Variants in ATXN7L1 observed in about 807,000 individuals in gnomAD.
The protein encoded by ATXN7L1 is ataxin 7 like 1.
Under a neutral mutation model 70.8 loss-of-function variants are expected in ATXN7L1, and 15 were observed. The ratio of observed to expected loss-of-function variants is 0.21; its 90% CI spans 0.14 to 0.33. ATXN7L1 has a LOEUF of 0.33. Ranked by LOEUF, ATXN7L1 falls within the 10% of genes least tolerant of loss-of-function variation. The pLI, the probability that ATXN7L1 is intolerant of heterozygous loss-of-function variation, is 1.00. For missense variants in ATXN7L1, 975 were observed against 1,097.1 expected (o/e 0.89, Z 1.57); for synonymous variants, 440 against 445.1 (o/e 0.99, Z 0.14).
At chr7:105,664,575 G>GTA (rs1554416470) in intron 4 of ATXN7L1, among the ~76,000 whole-genome samples, 11 of 131,986 alleles carry the variant, frequency 8.3e-5, no homozygotes, top group South Asian at 4.9e-4. Context: ...GTATGTGTGT[G>GTA]TATATATATA....
chr7:105,627,058 ATCT>A (rs1384097283), intron 7 of ATXN7L1, among the ~76,000 whole-genome samples: 1 of 152,230 alleles, frequency 6.6e-6, no homozygotes, highest in East Asian at 1.9e-4. Flanking sequence ...TACTTAACAA[ATCT>A]TCTGTTGATG....
At chr7:105,825,214 C>T (rs566007044) in intron 2 of ATXN7L1, among the ~76,000 whole-genome samples, 3 of 152,218 alleles carry the variant, frequency 2.0e-5, no homozygotes, top group South Asian at 4.2e-4. Context: ...TTTGAAGACT[C>T]GAAAAATTTA....
rs548212647 is a variant in ATXN7L1 at position 105,819,042 on chromosome 7, C to A, written c.251-30334G>T. ...ATGCTATCCCTCCCCCAGCCCCCCA[C>A]CCCCGGAGAGACCCCGGTGTGTGAC... On this transcript the variant is annotated intron_variant, in intron 2 of 11. Transcript: ENST00000419735. Among the ~76,000 whole-genome samples the A allele has an allele frequency of 4.6e-5, 7 of 150,808 alleles. No homozygotes were observed. The South Asian group carries it at 1.5e-3, about 32-fold the overall frequency.
At chr7:105,859,782 C>CTTTT in intron 2 of ATXN7L1, among the ~76,000 whole-genome samples, 1 of 94,124 alleles carries the variant, frequency 1.1e-5, no homozygotes, top group Non-Finnish European at 2.2e-5. Flanking sequence ...TTCTTTCTTT[C>CTTTT]TTTTTTTTTT....
intron 3 of ATXN7L1, among the ~76,000 whole-genome samples, chr7:105,733,977 C>CATCT (rs1435815603): frequency 6.7e-6 from 1 of 148,302 alleles, no homozygotes; most frequent in African/African-American, 2.5e-5. Context: ...TCCATCCATC[C>CATCT]ATGCTTTCAA....
At chr7:105,751,455 A>G (rs1799203084) in intron 3 of ATXN7L1, among the ~76,000 whole-genome samples, 1 of 151,892 alleles carries the variant, frequency 6.6e-6, no homozygotes, top group African/African-American at 2.4e-5. Context: ...AACATGGGGA[A>G]ACCCCCGTCT....
chr7:105,783,959 T>G lies in ATXN7L1; in HGVS notation c.355+4645A>C, dbSNP rs575405454. The stretch of plus-strand genomic sequence containing the variant: ...GGTCTGTGCTAACTCTGGGTAGTGT[T>G]TTTTTGGTTCATGTTTTTTTGAGAC... On this transcript the variant is annotated intron_variant, in intron 3 of 11. Transcript: ENST00000419735. 3.3e-5 allele frequency among the ~76,000 whole-genome samples: 5 copies of G among 152,050 alleles called. No individual in the cohort carries two copies. In the East Asian group the frequency reaches 9.7e-4, roughly 30 times the overall value.
At chr7:105,783,325 T>C (rs1170113993) in intron 3 of ATXN7L1, among the ~76,000 whole-genome samples, 1 of 152,240 alleles carries the variant, frequency 6.6e-6, no homozygotes, top group African/African-American at 2.4e-5. Flanking sequence ...TGTAACTTCC[T>C]GAGTGACAGG....
At chr7:105,874,472 T>C (rs561330654) in intron 2 of ATXN7L1, among the ~76,000 whole-genome samples, 16 of 152,302 alleles carry the variant, frequency 1.1e-4, no homozygotes, top group African/African-American at 3.8e-4. Context: ...TTAACACAAA[T>C]AAGCTGCCAC....
intron 3 of ATXN7L1, among the ~76,000 whole-genome samples, chr7:105,690,450 C>T (rs530451741): frequency 6.6e-5 from 10 of 152,304 alleles, no homozygotes; most frequent in African/African-American, 2.4e-4. Context: ...TGTCCGTTCT[C>T]ATTCATGTGA....
chr7:105,719,222 C>G (rs552196325), intron 3 of ATXN7L1, among the ~76,000 whole-genome samples: 1 of 152,214 alleles, frequency 6.6e-6, no homozygotes, highest in Non-Finnish European at 1.5e-5. Flanking sequence ...CGCCCATCCC[C>G]CTTCTTCTCT....
rs536848771 is a variant in ATXN7L1, at chr7:105,818,522, C to T, written c.251-29814G>A. ...TTAGAATGTTCAAAGTGAAAGAAAA[C>T]GACTCTTTCAGGGTTTAACTCTGTA... On this transcript the variant is annotated intron_variant, in intron 2 of 11. Coordinates refer to ENST00000419735, the MANE Select transcript of ATXN7L1 (RefSeq NM_020725.2). Among the ~76,000 whole-genome samples, 9 of 152,272 alleles carry T rather than the reference C, an allele frequency of 5.9e-5. No individual in the cohort carries two copies. In the East Asian group the frequency reaches 1.4e-3, roughly 23 times the overall value.
chr7:105,676,845 A>T (rs1414041233), intron 3 of ATXN7L1, among the ~76,000 whole-genome samples: 2 of 152,150 alleles, frequency 1.3e-5, no homozygotes, highest in Admixed American at 1.3e-4. Flanking sequence ...GTCTCAAAAA[A>T]ACAAAACAAA....
Position 105,639,587 on chromosome 7 carries a change from C to T in ATXN7L1, c.863-18G>A, listed in dbSNP as rs1173500658. The T allele has an allele frequency of 6.6e-7, 1 of 1,518,602 alleles. No individual in the cohort carries two copies. The highest frequency in any genetic ancestry group is 8.9e-7 in the Non-Finnish European group (1 of 1,121,242). The allele number at this position is 1,518,602 out of a possible 1,614,324, so 94.1% of individuals were successfully genotyped here. On this transcript the variant is annotated intron_variant, in intron 5 of 11. Transcript: ENST00000419735. ...TTCTCTCTCTGGTTTAAGAAACAAACAAAAAATATAAGAAAAAAGGAGACT... is the reference window on the plus strand; with the variant it reads ...TTCTCTCTCTGGTTTAAGAAACAAATAAAAAATATAAGAAAAAAGGAGACT...
intron 3 of ATXN7L1, among the ~76,000 whole-genome samples, chr7:105,706,827 C>T (rs764624663): frequency 1.5e-4 from 23 of 152,356 alleles, no homozygotes; most frequent in African/African-American, 5.0e-4. Flanking sequence ...AGCCTGACCC[C>T]TTCAAAATGC....
intron 4 of ATXN7L1, among the ~76,000 whole-genome samples, chr7:105,652,194 C>T (rs1043311800): frequency 1.3e-5 from 2 of 152,166 alleles, no homozygotes; most frequent in African/African-American, 4.8e-5. Context: ...CCTTTGGGAC[C>T]AGCTGTGTCT....
chr7:105,660,178 C>T (rs1056298660), intron 4 of ATXN7L1, among the ~76,000 whole-genome samples: 1 of 152,122 alleles, frequency 6.6e-6, no homozygotes, highest in Non-Finnish European at 1.5e-5. Flanking sequence ...CTGGGTGACA[C>T]AACATCCTCA....
At chr7:105,873,112 C>CCA (rs1245522862) in intron 2 of ATXN7L1, among the ~76,000 whole-genome samples, 1 of 152,036 alleles carries the variant, frequency 6.6e-6, no homozygotes, top group Non-Finnish European at 1.5e-5. Flanking sequence ...TGAGATTGCG[C>CCA]CACTGCACTC....
intron 2 of ATXN7L1, among the ~76,000 whole-genome samples, chr7:105,831,853 T>C (rs1015867106): frequency 2.0e-5 from 3 of 152,172 alleles, no homozygotes; most frequent in African/African-American, 7.2e-5. Flanking sequence ...GGGCTAGGCA[T>C]GGGAAGCTTG....
Sources: gnomAD v4.1 joint callset for allele counts (sites outside exome capture counted in the v4.1 genomes callset) on GRCh38, gnomAD v4.1.1 for gene constraint, MANE v1.5 for transcripts, NCBI Gene and HGNC (gene_info 2026-07-23, HGNC 2026-07-21) for gene names.